The following ADGRD1 variants were observed in gnomAD, a reference collection of about 807,000 sequenced individuals.
ADGRD1 encodes adhesion G protein-coupled receptor D1, also known as G-protein coupled receptor 133.
ADGRD1 carries 77 observed loss-of-function variants against 113.4 expected under a neutral mutation model. The observed-to-expected ratio is 0.68, with a 90% confidence interval of 0.57 to 0.82. ADGRD1 has a LOEUF of 0.82. Among genes scored for constraint, ADGRD1 ranks in the 40% least tolerant of loss-of-function variants. The pLI is 0.00. For missense variants in ADGRD1, 1,036 were observed against 1,139.1 expected, an observed-to-expected ratio of 0.91 and a Z score of 1.30; for synonymous variants, 474 against 475.0, an observed-to-expected ratio of 1.00 and a Z score of 0.03.
At chr12:131,049,044 G>A (rs568259482) in intron 13 of ADGRD1, among the ~76,000 whole-genome samples, 7 of 152,350 alleles carry the variant, frequency 4.6e-5, no homozygotes, top group Admixed American at 2.6e-4. Flanking sequence ...GCCAAAGGCC[G>A]AGGAAGGGAG....
chr12:131,041,274 G>A lies in ADGRD1; in HGVS notation c.1473+26934G>A, dbSNP rs79152052. Reference sequence around the variant, plus strand: ...TTGGATGATCTTGTGGAGCCGGAGGGTGTGGGTGGGGGATGTGGGTGCAAA... The same window carrying A: ...TTGGATGATCTTGTGGAGCCGGAGGATGTGGGTGGGGGATGTGGGTGCAAA... On this transcript the variant is annotated intron_variant, in intron 13 of 24. Coordinates refer to ENST00000261654, the MANE Select transcript of ADGRD1 (RefSeq NM_198827.5). This position sits in a 1 kb window ranked among gnomAD's most constrained non-coding sequence, Gnocchi z 4.4. Among the ~76,000 whole-genome samples, 5,007 of 152,292 alleles carry A rather than the reference G, an allele frequency of 0.033. 134 individuals are homozygous for A. The highest frequency in any genetic ancestry group is 0.078 in the Middle Eastern group (23 of 294).
chr12:131,065,838 A>T (rs1298433786), intron 13 of ADGRD1, among the ~76,000 whole-genome samples: 1 of 152,060 alleles, frequency 6.6e-6, no homozygotes, highest in East Asian at 1.9e-4. Flanking sequence ...CTTACCACAG[A>T]CTCTGAATTT....
At chr12:130,972,030 G>T (rs1358108992) in intron 4 of ADGRD1, among the ~76,000 whole-genome samples, 1 of 152,266 alleles carries the variant, frequency 6.6e-6, no homozygotes, top group East Asian at 1.9e-4. Context: ...TACATTCATC[G>T]AGAGGGGCTG....
chr12:131,100,351 G>A (rs145314040), intron 15 of ADGRD1, among the ~76,000 whole-genome samples: 228 of 151,466 alleles, frequency 1.5e-3, no homozygotes, highest in African/African-American at 4.4e-3. Context: ...GTTCATGGTC[G>A]GTTTGGTTGA....
chr12:131,131,918 C>A, intron 21 of ADGRD1, 102 bp downstream of exon 21: 1 of 755,738 alleles, frequency 1.3e-6, no homozygotes, highest in Non-Finnish European at 2.3e-6. Context: ...CTGTGGCCGG[C>A]ACCAAAGTCC....
intron 4 of ADGRD1, among the ~76,000 whole-genome samples, chr12:130,981,530 G>C (rs1304477245): frequency 6.6e-6 from 1 of 151,568 alleles, no homozygotes; most frequent in South Asian, 2.1e-4. Flanking sequence ...TGATCCCGGG[G>C]AGTGGGGGCG....
chr12:131,075,414 C>T lies in ADGRD1; in HGVS notation c.1474-1387C>T, dbSNP rs895208517. On this transcript the variant is annotated intron_variant, in intron 13 of 24. Transcript: ENST00000261654. The surrounding 1 kb of genome is among the most constrained non-coding windows in gnomAD (Gnocchi z 5.3). The stretch of plus-strand genomic sequence containing the variant: ...CCTCTGTTGTCTGTGCAAGAGTTCA[C>T]AGCAGGCTGTGGCTTTGGGAAGACA... Among the ~76,000 whole-genome samples, 1 of 152,162 alleles carries T rather than the reference C, an allele frequency of 6.6e-6. No homozygotes were observed. Among genetic ancestry groups the T allele is most frequent in the African/African-American group, 2.4e-5 (1 of 41,440 alleles).
chr12:130,959,164 ACCACGG>A (rs1185207829), intron 2 of ADGRD1, among the ~76,000 whole-genome samples: 7 of 152,224 alleles, frequency 4.6e-5, no homozygotes, highest in Admixed American at 2.0e-4. Context: ...CCTACTTTCC[ACCACGG>A]CCACACCAAA....
At chr12:131,104,172 C>T (rs559570370) in intron 15 of ADGRD1, among the ~76,000 whole-genome samples, 2 of 152,350 alleles carry the variant, frequency 1.3e-5, no homozygotes, top group South Asian at 4.1e-4. Flanking sequence ...GAGAGCTTTC[C>T]TGAGGCCCAC....
chr12:131,138,242 T>C lies in ADGRD1; in HGVS notation c.2529+13T>C, dbSNP rs371542132. On this transcript the variant is annotated intron_variant, in intron 24 of 24. Coordinates refer to ENST00000261654, the MANE Select transcript of ADGRD1 (RefSeq NM_198827.5). ...CCACTCGGACCTCGTGAGTGCAGCC[T>C]CCATAAACCGAGGGTCCCAGCCCAT... 38 of 1,608,476 alleles carry C rather than the reference T, an allele frequency of 2.4e-5. No homozygotes were observed. The African/African-American group carries it at 4.3e-4, about 18-fold the overall frequency.
chr12:131,078,849 CTTA>C (rs1032798359), intron 14 of ADGRD1, among the ~76,000 whole-genome samples: 5 of 152,100 alleles, frequency 3.3e-5, no homozygotes, highest in African/African-American at 7.2e-5. Context: ...GCAATTATTA[CTTA>C]TTATTATATA....
chr12:131,135,931 AG>A, intron 21 of ADGRD1, 105 bp from the exon 22 acceptor site: 1 of 1,234,280 alleles, frequency 8.1e-7, no homozygotes, highest in South Asian at 1.4e-5. Flanking sequence ...TGCTCCCGGC[AG>A]GGCGGTGCCT....
At chr12:131,007,335 G>A (rs1877257172) in intron 12 of ADGRD1, among the ~76,000 whole-genome samples, 2 of 152,246 alleles carry the variant, frequency 1.3e-5, no homozygotes, top group South Asian at 2.1e-4. Flanking sequence ...GGGGAAATGG[G>A]GGAGTGGCTG....
intron 13 of ADGRD1, among the ~76,000 whole-genome samples, chr12:131,028,998 G>A (rs1055886858): frequency 9.8e-5 from 15 of 152,298 alleles, no homozygotes; most frequent in African/African-American, 2.9e-4. Context: ...CCTCTCCCAC[G>A]CCATTGCAGA....
chr12:130,983,617 A>G (rs1873278531), intron 5 of ADGRD1, among the ~76,000 whole-genome samples: 1 of 152,196 alleles, frequency 6.6e-6, no homozygotes, highest in Admixed American at 6.5e-5. Context: ...CTGGCTGGCA[A>G]TGTGCTCTCT....
Position 131,000,440 on chromosome 12 carries a change from G to C in ADGRD1, c.1024G>C (p.Glu342Gln). ...ACTGCCTGGTTGGATTGCTCTGTCA[G>C]AGGTAAGAGAAAAGAACATGGTCGG... ...LLLPGWIALS[E>Q]DSAVVLSLID... Residue 342 changes from glutamate to glutamine, a missense_variant and splice_region_variant, in exon 9 of 25, where the codon GAG becomes CAG. Physicochemically the swap from Glu to Gln is conservative, Grantham distance 29. Coordinates refer to ENST00000261654, the MANE Select transcript of ADGRD1 (RefSeq NM_198827.5). 6.2e-7 allele frequency: 1 copy of C among 1,611,690 alleles called. No individual in the cohort carries two copies. Among genetic ancestry groups the C allele is most frequent in the Non-Finnish European group, 8.5e-7 (1 of 1,178,672 alleles).
At chr12:131,002,751 T>C in intron 9 of ADGRD1, 1 of 1,258,684 alleles carries the variant, frequency 7.9e-7, no homozygotes, top group South Asian at 1.3e-5. Context: ...GCAGCCACCC[T>C]TCATGGAGAA....
intron 13 of ADGRD1, among the ~76,000 whole-genome samples, chr12:131,046,167 TCCTTCCTGGTCAATGC>T: frequency 7.4e-6 from 1 of 135,976 alleles, no homozygotes; most frequent in Non-Finnish European, 1.6e-5. Flanking sequence ...CTGGTCAGTG[TCCTTCCTGGTCAATGC>T]TCCCTCCCTG....
chr12:131,023,181 TGTA>T (rs138415190), intron 13 of ADGRD1: 4,878 of 152,310 alleles, frequency 0.032, 93 homozygotes, highest in South Asian at 0.05. Context: ...CCTTACACCA[TGTA>T]GTTAAGATAC....
Sources: gnomAD v4.1 joint callset for allele counts (sites outside exome capture counted in the v4.1 genomes callset) on GRCh38, gnomAD v4.1.1 for gene constraint, Gnocchi (gnomAD v3.1) non-coding constraint, MANE v1.5 for transcripts, NCBI Gene and HGNC (gene_info 2026-07-23, HGNC 2026-07-21) for gene names.